GSE1: variants seen among roughly 807,000 people sequenced by gnomAD.
GSE1 encodes Gse1 coiled-coil protein.
In GSE1, 32 loss-of-function variants were observed where a neutral mutation model predicts 112.6. The observed-to-expected ratio is 0.28, with a 90% confidence interval of 0.21 to 0.38. GSE1 has a LOEUF of 0.38. Among genes scored for constraint, GSE1 ranks in the 10% least tolerant of loss-of-function variants. GSE1 has a pLI of 1.00. For synonymous variants in GSE1, 1,115 were observed against 735.6 expected, an observed-to-expected ratio of 1.52 and a Z score of -8.35; for missense variants, 2,348 against 1,699.2, an observed-to-expected ratio of 1.38 and a Z score of -6.71.
At chr16:85,619,333 T>C (rs1313481059) in intron 1 of GSE1, among the ~76,000 whole-genome samples, 1 of 151,620 alleles carries the variant, frequency 6.6e-6, no homozygotes, top group African/African-American at 2.4e-5. Context: ...AGCTTTTGGT[T>C]GAGCAGTATT....
chr16:85,509,637 G>A lies in GSE1; in HGVS notation c.2465-124277G>A, dbSNP rs536907274. Reference sequence around the variant, plus strand: ...GAAAGGCCAGGAGGCTCCATCTGAGGATGTATGCTGGCCCTGAAGGCCAGC... The same window carrying A: ...GAAAGGCCAGGAGGCTCCATCTGAGAATGTATGCTGGCCCTGAAGGCCAGC... On this transcript the variant is annotated intron_variant, in intron 2 of 2. Transcript: ENST00000637419. 1.0e-3 allele frequency among the ~76,000 whole-genome samples: 159 copies of A among 152,364 alleles called. 1 individual carries two copies. The highest frequency in any genetic ancestry group is 3.8e-3 in the African/African-American group (156 of 41,594).
At chr16:85,221,810 C>A (rs1597832964) in intron 1 of GSE1, among the ~76,000 whole-genome samples, 2 of 152,330 alleles carry the variant, frequency 1.3e-5, no homozygotes, top group South Asian at 2.1e-4. Flanking sequence ...GGATGGCACA[C>A]CCTACCCCTT....
intron 2 of GSE1, among the ~76,000 whole-genome samples, chr16:85,647,711 C>T (rs190032014): frequency 2.6e-5 from 4 of 152,298 alleles, no homozygotes; most frequent in East Asian, 1.9e-4. Context: ...CTCCGCCTCC[C>T]GAGTAGCTGG....
chr16:85,175,926 C>T (rs543652784), intron 1 of GSE1, among the ~76,000 whole-genome samples: 3 of 152,320 alleles, frequency 2.0e-5, no homozygotes, highest in Non-Finnish European at 2.9e-5. Context: ...GGACCAGCGT[C>T]GGGCCTGAGT....
intron 2 of GSE1, among the ~76,000 whole-genome samples, chr16:85,425,322 C>CGGGTG (rs56307279): frequency 0.62 from 94,301 of 151,808 alleles, 32,177 homozygotes; most frequent in Non-Finnish European, 0.76. Flanking sequence ...GAGGTGGTGA[C>CGGGTG]AGCAGGAAGC....
At position 85,232,348 on chromosome 16, in the gene GSE1, G is replaced by A. The variant is rs370832684; in HGVS notation, c.2283+60541G>A. Among the ~76,000 whole-genome samples, 6 of 152,176 alleles carry A rather than the reference G, an allele frequency of 3.9e-5. No individual in the cohort carries two copies. The East Asian group carries it at 9.7e-4, about 24-fold the overall frequency. Reference sequence around the variant, plus strand: ...TGTCCACTTGACATCTACTCCCCTCGGACCTCCACCTTCCCAGGGGGAGGA... The same window carrying A: ...TGTCCACTTGACATCTACTCCCCTCAGACCTCCACCTTCCCAGGGGGAGGA... On this transcript the variant is annotated intron_variant, in intron 1 of 2. Coordinates refer to the GSE1 transcript ENST00000637419.
At chr16:85,591,438 C>T (rs1371392392) in intron 1 of GSE1, among the ~76,000 whole-genome samples, 1 of 152,268 alleles carries the variant, frequency 6.6e-6, no homozygotes, top group African/African-American at 2.4e-5. Flanking sequence ...TCTAACTTTT[C>T]TCCCGACTCC....
chr16:85,662,047 A>G (rs535084906), intron 9 of GSE1, among the ~76,000 whole-genome samples: 2 of 152,338 alleles, frequency 1.3e-5, no homozygotes, highest in Non-Finnish European at 1.5e-5. Flanking sequence ...AGCATGATGA[A>G]TAAGTGATGA....
chr16:85,563,020 A>C, intron 1 of GSE1, among the ~76,000 whole-genome samples: 1 of 152,208 alleles, frequency 6.6e-6, no homozygotes, highest in Non-Finnish European at 1.5e-5. Flanking sequence ...CTCCTCAGCC[A>C]AACAGATCCT....
intron 3 of GSE1, among the ~76,000 whole-genome samples, chr16:85,651,495 G>T (rs1191771528): frequency 6.6e-6 from 1 of 152,204 alleles, no homozygotes; most frequent in African/African-American, 2.4e-5. Flanking sequence ...CGGCTGAGGG[G>T]AGAAGGGGTT....
chr16:85,324,509 C>CAAAAA (rs58493568), intron 1 of GSE1, among the ~76,000 whole-genome samples: 1 of 98,110 alleles, frequency 1.0e-5, no homozygotes, highest in Non-Finnish European at 2.3e-5. Flanking sequence ...GACTCCCTCT[C>CAAAAA]AAAAAAAAAA....
intron 1 of GSE1, among the ~76,000 whole-genome samples, chr16:85,297,450 T>C (rs2151453634): frequency 6.6e-6 from 1 of 152,348 alleles, no homozygotes; most frequent in African/African-American, 2.4e-5. Context: ...AATTATGACT[T>C]CCTATCAGAT....
At chr16:85,409,314 G>A (rs201183937) in intron 2 of GSE1, among the ~76,000 whole-genome samples, 29 of 33,806 alleles carry the variant, frequency 8.6e-4, no homozygotes, top group East Asian at 2.8e-3. Flanking sequence ...AGGGCCCCCC[G>A]GATAATCCTC....
At chr16:85,580,914 C>T (rs947372775) in intron 1 of GSE1, among the ~76,000 whole-genome samples, 3 of 152,248 alleles carry the variant, frequency 2.0e-5, no homozygotes, top group Non-Finnish European at 4.4e-5. Flanking sequence ...GCCTTAAGAA[C>T]TATGAGAAAA....
In GSE1 at chr16:85,636,053, G is replaced by C. The variant is rs559990083; in HGVS notation, c.226+1921G>C. Among the ~76,000 whole-genome samples the C allele has an allele frequency of 3.3e-4, 51 of 152,374 alleles. No homozygotes were observed. In the East Asian group the frequency reaches 7.1e-3, roughly 21 times the overall value. The stretch of plus-strand genomic sequence containing the variant: ...TGCCAGAGGCCGCTGGTCCCCACTG[G>C]CCAGGAACAAAGTGCCGCTGGGCGC... On this transcript the variant is annotated intron_variant, in intron 2 of 15. Coordinates refer to ENST00000253458, the MANE Select transcript of GSE1 (RefSeq NM_014615.5).
rs539204796 is a variant in GSE1, at chr16:85,623,682, C to G, written c.8-10232C>G. On this transcript the variant is annotated intron_variant, in intron 1 of 15. Coordinates refer to ENST00000253458, the MANE Select transcript of GSE1 (RefSeq NM_014615.5). Reference sequence around the variant, plus strand: ...CCTTCTGACTTAAAGGCGCCCATTTCTGCTGGTGTGGGCGTCCGCCCTGTT... The same window carrying G: ...CCTTCTGACTTAAAGGCGCCCATTTGTGCTGGTGTGGGCGTCCGCCCTGTT... Among the ~76,000 whole-genome samples, 3 of 152,350 alleles carry G rather than the reference C, an allele frequency of 2.0e-5. No homozygotes were observed. In the South Asian group the frequency reaches 6.2e-4, roughly 32 times the overall value.
At chr16:85,342,921 C>T (rs550986106) in intron 1 of GSE1, among the ~76,000 whole-genome samples, 33 of 151,296 alleles carry the variant, frequency 2.2e-4, no homozygotes, top group African/African-American at 5.8e-4. Context: ...GAGGGGGTGC[C>T]GCTGAAAAGG....
At chr16:85,410,324 T>TC (rs1329382506) in intron 2 of GSE1, among the ~76,000 whole-genome samples, 3 of 51,248 alleles carry the variant, frequency 5.9e-5, no homozygotes, top group African/African-American at 1.5e-4. Flanking sequence ...ACTGTTACAC[T>TC]CAGGCCCCCC....
chr16:85,646,405 G>A (rs942212181), intron 2 of GSE1, among the ~76,000 whole-genome samples: 5 of 152,252 alleles, frequency 3.3e-5, no homozygotes, highest in African/African-American at 4.8e-5. Context: ...GCTGTGACAC[G>A]GGGTCTGGGT....
Sources: allele counts gnomAD v4.1 joint callset (sites outside exome capture counted in the v4.1 genomes callset), GRCh38; gene constraint gnomAD v4.1.1; transcripts MANE v1.5; gene names NCBI Gene and HGNC (gene_info 2026-07-23, HGNC 2026-07-21).